Variants in TNRC18 observed in about 807,000 individuals in gnomAD.
TNRC18 encodes trinucleotide repeat-containing gene 18 protein.
A neutral mutation model predicts 226.7 loss-of-function variants in TNRC18; 69 were observed. The ratio of observed to expected loss-of-function variants is 0.30; its 90% confidence interval spans 0.25 to 0.37. The LOEUF is 0.37. TNRC18 is among the 10% of genes least tolerant of loss of function. The pLI is 1.00. For missense variants in TNRC18, 4,754 were observed against 4,256.6 expected, an observed-to-expected ratio of 1.12 and a Z score of -3.25; for synonymous variants, 2,449 against 1,927.6, an observed-to-expected ratio of 1.27 and a Z score of -7.09.
rs1201594901 is a variant in TNRC18 at position 5,325,218 on chromosome 7, C to G, written c.6178G>C (p.Ala2060Pro). ...GGAGCTCGGGGCGGCGGCAGCCCAGCTCCTGGCCCAGCCTCTTTCCCTTTC... is the reference window on the plus strand; with the variant it reads ...GGAGCTCGGGGCGGCGGCAGCCCAGGTCCTGGCCCAGCCTCTTTCCCTTTC... ...KKKGKEAGPG[A>P]GLPPPRAPAL... The change falls in exon 20 of 30, where the codon GCT (alanine) becomes CCT (proline). Residue 2060 changes from alanine to proline, a missense_variant. By Grantham distance (27) the Ala-to-Pro change is conservative. Coordinates refer to ENST00000430969, the MANE Select transcript of TNRC18 (RefSeq NM_001080495.3). 1 of 1,554,448 alleles carries G rather than the reference C, an allele frequency of 6.4e-7. No individual in the cohort carries two copies. Among genetic ancestry groups the G allele is most frequent in the Non-Finnish European group, 8.7e-7 (1 of 1,152,486 alleles).
chr7:5,387,536 C>A, intron 5 of TNRC18, 136 bp downstream of exon 5: 2 of 1,268,484 alleles, frequency 1.6e-6, no homozygotes, highest in Non-Finnish European at 2.2e-6. Flanking sequence ...CGCAACAGAA[C>A]ATTCAAGACC....
intron 25 of TNRC18, 72 bp from the exon 26 acceptor site, chr7:5,315,220 G>A: frequency 6.7e-7 from 1 of 1,490,160 alleles, no homozygotes; most frequent in Non-Finnish European, 9.0e-7. Flanking sequence ...ACCCTGGTCT[G>A]TCCCGGGGAT....
Position 5,312,472 on chromosome 7 carries a change from C to G in TNRC18, c.8388+31G>C. On this transcript the variant is annotated intron_variant, in intron 27 of 29. Transcript: ENST00000430969. This position sits in a 1 kb window ranked among gnomAD's most constrained non-coding sequence, Gnocchi z 6.3. ...CAGAGAGACACAAGGCCCCCGGCCC[C>G]TCGGCCGTGCCCGGGCGCGAGCTTG... 1.2e-6 allele frequency: 2 copies of G among 1,604,160 alleles called. No homozygotes were observed. Among genetic ancestry groups the G allele is most frequent in the Non-Finnish European group, 8.5e-7 (1 of 1,177,182 alleles).
Position 5,351,924 on chromosome 7 carries a change from T to C in TNRC18, c.5365A>G (p.Lys1789Glu), listed in dbSNP as rs1276658037. The C allele has an allele frequency of 6.2e-7, 1 of 1,613,650 alleles. No individual in the cohort carries two copies. Among genetic ancestry groups the C allele is most frequent in the Non-Finnish European group, 8.5e-7 (1 of 1,179,830 alleles). The change falls in exon 17 of 30, where the codon AAA (lysine) becomes GAA (glutamate). Residue 1789 changes from lysine to glutamate, a missense_variant. Physicochemically the swap from Lys to Glu is moderately conservative, Grantham distance 56 (BLOSUM62 1). Coordinates refer to ENST00000430969, the MANE Select transcript of TNRC18 (RefSeq NM_001080495.3). ...TTCCTGCTGGTGGCCGGCTTGGGTT[T>C]CAGAGTCCGGGGGGCCGCCAGGCCC... is the stretch of plus-strand genomic sequence containing the variant. ...KRGLAAPRTL[K>E]PKPATSRKQP...
Position 5,421,435 on chromosome 7 carries a change from G to T in TNRC18, c.-189C>A. On this transcript the variant is annotated 5_prime_UTR_variant, in exon 2 of 30. Transcript: ENST00000430969. Reference sequence around the variant, plus strand: ...GGCCCGGGGCGCACAGGCGGCCGGCGGTGGGGCCCCTCCGGGCGGCCAGGC... The same window carrying T: ...GGCCCGGGGCGCACAGGCGGCCGGCTGTGGGGCCCCTCCGGGCGGCCAGGC... 3.4e-6 allele frequency: 1 copy of T among 291,842 alleles called. No individual in the cohort carries two copies. Among genetic ancestry groups the T allele is most frequent in the Non-Finnish European group, 5.1e-6 (1 of 196,812 alleles). The allele number at this position is 291,842 out of a possible 1,614,324, so 18.1% of individuals were successfully genotyped here. A position where few individuals can be genotyped will look rare whatever the true frequency, so the allele number is the denominator to read the frequency against.
chr7:5,386,565 C>T (rs992295102), intron 5 of TNRC18, among the ~76,000 whole-genome samples: 5 of 141,658 alleles, frequency 3.5e-5, no homozygotes, highest in Non-Finnish European at 7.5e-5. Context: ...CAATGCAAGA[C>T]TCTGTCTCCA....
intron 18 of TNRC18, among the ~76,000 whole-genome samples, chr7:5,341,316 G>A (rs1408720387): frequency 3.3e-5 from 5 of 151,276 alleles, no homozygotes; most frequent in Non-Finnish European, 7.4e-5. Context: ...CTACTCGGGA[G>A]GCTGAGGCAG....
At chr7:5,351,718 C>G (rs1366252407) in intron 17 of TNRC18, 101 bp downstream of exon 17, 19 of 1,364,150 alleles carry the variant, frequency 1.4e-5, no homozygotes, top group Non-Finnish European at 1.9e-5. Flanking sequence ...GCCTCCTCAC[C>G]CACCATCTCT....
rs189457547 is a variant in TNRC18, at chr7:5,395,767, G to A, written c.188-1172C>T. On this transcript the variant is annotated intron_variant, in intron 2 of 29. Transcript: ENST00000430969. The stretch of plus-strand genomic sequence containing the variant: ...AGCACTCTGGGAGGCCAAGGCAGGC[G>A]AATCACAAGGTCAGGAGTTAGAGAC... Among the ~76,000 whole-genome samples, 463 of 152,310 alleles carry A rather than the reference G, an allele frequency of 3.0e-3. 1 individual carries two copies. The highest frequency in any genetic ancestry group is 4.2e-3 in the Non-Finnish European group (286 of 68,030).
rs1317710865 is a variant in TNRC18, at chr7:5,388,262, G to A, written c.1562C>T (p.Thr521Met). Reference protein sequence around the residue: ...KPFELGNFAATQMAVLAAQHH... With the variant: ...KPFELGNFAAMQMAVLAAQHH... ...CTGCGCGGCCAGCACGGCCATCTGC[G>A]TGGCGGCGAAGTTGCCCAGCTCGAA... Residue 521 changes from threonine (T) to methionine (M), a missense_variant, in exon 5 of 30, where the codon ACG (threonine) becomes ATG (methionine). Coordinates refer to ENST00000430969, the MANE Select transcript of TNRC18 (RefSeq NM_001080495.3). 1 of 1,608,944 alleles carries A rather than the reference G, an allele frequency of 6.2e-7. No individual in the cohort carries two copies. The highest frequency in any genetic ancestry group is 8.5e-7 in the Non-Finnish European group (1 of 1,178,398).
intron 17 of TNRC18, 81 bp from the exon 18 acceptor site, chr7:5,345,891 G>A: frequency 6.8e-7 from 1 of 1,472,028 alleles, no homozygotes; most frequent in Non-Finnish European, 9.0e-7. Context: ...GCCCAGAGTG[G>A]CCTCTGGGCT....
chr7:5,349,917 C>G (rs1322210556), intron 17 of TNRC18, among the ~76,000 whole-genome samples: 1 of 152,102 alleles, frequency 6.6e-6, no homozygotes, highest in Non-Finnish European at 1.5e-5. Context: ...GGAGCCTGGG[C>G]CTCCCCCGCC....
At chr7:5,308,644 C>CAGAG (rs949671584) in intron 29 of TNRC18, among the ~76,000 whole-genome samples, 2 of 152,050 alleles carry the variant, frequency 1.3e-5, no homozygotes, top group African/African-American at 4.8e-5. Flanking sequence ...CAAGAATGGC[C>CAGAG]AGAGACTCAG....
At position 5,390,622 on chromosome 7, in the gene TNRC18, G is replaced by A; in HGVS notation, c.350C>T (p.Ser117Phe). 1 of 1,569,404 alleles carries A rather than the reference G, an allele frequency of 6.4e-7. No individual in the cohort carries two copies. The highest frequency in any genetic ancestry group is 8.6e-7 in the Non-Finnish European group (1 of 1,157,974). Residue 117 changes from serine to phenylalanine, a missense_variant, in exon 4 of 30, where the codon TCC (serine) becomes TTC (phenylalanine). Transcript: ENST00000430969. ...TGGGTACAGCCCACTGGGCAGGTGG[G>A]AGAAGCCTGTAACAGAAAAGAGAAA... ...LWAAHAHEGF[S>F]HLPSGLYPSY... is the part of the protein sequence containing the mutation.
At chr7:5,393,698 G>A (rs562778934) in intron 3 of TNRC18, among the ~76,000 whole-genome samples, 4 of 152,342 alleles carry the variant, frequency 2.6e-5, no homozygotes, top group Non-Finnish European at 5.9e-5. Flanking sequence ...AGACAGAGGA[G>A]CTTGGAGGTC....
At chr7:5,340,395 C>A (rs1790567009) in intron 18 of TNRC18, among the ~76,000 whole-genome samples, 1 of 152,112 alleles carries the variant, frequency 6.6e-6, no homozygotes, top group Non-Finnish European at 1.5e-5. Context: ...GAGGAAGCTG[C>A]AAAAGAAAAG....
Position 5,388,876 on chromosome 7 carries a change from C to A in TNRC18, c.948G>T (p.Arg316=). 1 of 1,317,010 alleles carries A rather than the reference C, an allele frequency of 7.6e-7. No homozygotes were observed. The highest frequency in any genetic ancestry group is 9.7e-7 in the Non-Finnish European group (1 of 1,029,870). The allele number at this position is 1,317,010 out of a possible 1,614,324, so 81.6% of individuals were successfully genotyped here. Reference sequence around the variant, plus strand: ...GCAGGGTCTCCGTGCGCCGCAGCAGCCGCGCGCCCTCGTCCTGCCGGGCAG... The same window carrying A: ...GCAGGGTCTCCGTGCGCCGCAGCAGACGCGCGCCCTCGTCCTGCCGGGCAG... ...KEAARQDEGA[R]LLRRTETLLP... is the part of the protein sequence containing the mutation. Residue 316 remains arginine, a synonymous_variant, in exon 5 of 30, where the codon CGG becomes CGT. Coordinates refer to ENST00000430969, the MANE Select transcript of TNRC18 (RefSeq NM_001080495.3).
intron 17 of TNRC18, among the ~76,000 whole-genome samples, chr7:5,350,935 C>G (rs1266580253): frequency 6.6e-6 from 1 of 152,202 alleles, no homozygotes; most frequent in Non-Finnish European, 1.5e-5. Flanking sequence ...ACTGCCTACG[C>G]ACCCTTCAAA....
Position 5,389,052 on chromosome 7 carries a change from G to A in TNRC18, c.772C>T (p.Leu258=). The change falls in exon 5 of 30, where the codon CTG becomes TTG. Residue 258 remains leucine (L), a synonymous_variant. Transcript: ENST00000430969. Reference sequence around the variant, plus strand: ...AGGAAGGGCGACAGGCGCTCAGCCAGGCGCGGGGGCCCCCGGTCCTGGCGG... The same window carrying A: ...AGGAAGGGCGACAGGCGCTCAGCCAAGCGCGGGGGCCCCCGGTCCTGGCGG... The part of the protein sequence containing the change: ...EGRQDRGPPR[L]AERLSPFLAE... The A allele has an allele frequency of 7.7e-7, 1 of 1,290,578 alleles. No homozygotes were observed. The highest frequency in any genetic ancestry group is 4.4e-5 in the Admixed American group (1 of 22,576). The allele number at this position is 1,290,578 out of a possible 1,614,324, so 79.9% of individuals were successfully genotyped here. A position where few individuals can be genotyped will look rare whatever the true frequency, so the allele number is the denominator to read the frequency against.
Sources: allele counts gnomAD v4.1 joint callset (sites outside exome capture counted in the v4.1 genomes callset), GRCh38; gene constraint gnomAD v4.1.1; non-coding constraint Gnocchi (gnomAD v3.1); transcripts MANE v1.5; gene names NCBI Gene and HGNC (gene_info 2026-07-23, HGNC 2026-07-21).